Variants in RBMS3 observed in about 807,000 individuals in gnomAD.
RBMS3 encodes RNA-binding motif, single-stranded-interacting protein 3.
Under a neutral mutation model 66.8 loss-of-function variants are expected in RBMS3, and 27 were observed. The observed-to-expected ratio is 0.40, with a 90% CI of 0.30 to 0.56. The LOEUF (loss-of-function observed/expected upper bound fraction) is 0.56. RBMS3 is among the 20% of genes least tolerant of loss of function. The pLI is 0.40. For synonymous variants in RBMS3, 188 were observed against 183.0 expected (o/e 1.03, Z -0.22); for missense variants, 513 against 549.5 (o/e 0.93, Z 0.66).
chr3:29,938,396 A>G (rs1224896875), intron 11 of RBMS3, among the ~76,000 whole-genome samples: 4 of 151,908 alleles, frequency 2.6e-5, no homozygotes, highest in African/African-American at 9.7e-5. Context: ...TTTTCTTTTC[A>G]CCCTTTACAT....
intron 3 of RBMS3, among the ~76,000 whole-genome samples, chr3:29,549,081 T>TTC (rs2046088634): frequency 2.0e-5 from 3 of 149,748 alleles, no homozygotes; most frequent in Middle Eastern, 3.4e-3. Flanking sequence ...TTTTTTTTTT[T>TTC]TCCATCCCTC....
At chr3:29,908,924 T>G (rs974964022) in intron 10 of RBMS3, among the ~76,000 whole-genome samples, 2 of 151,874 alleles carry the variant, frequency 1.3e-5, no homozygotes, top group Non-Finnish European at 2.9e-5. Flanking sequence ...TTATATAACC[T>G]AAAAAATAAA....
At chr3:29,321,313 G>A (rs1290424075) in intron 1 of RBMS3, among the ~76,000 whole-genome samples, 3 of 151,876 alleles carry the variant, frequency 2.0e-5, no homozygotes, top group Non-Finnish European at 4.4e-5. Flanking sequence ...AATAAAATAC[G>A]ACACATTTTT....
At chr3:29,301,874 A>T (rs898029357) in intron 1 of RBMS3, among the ~76,000 whole-genome samples, 1 of 151,970 alleles carries the variant, frequency 6.6e-6, no homozygotes, top group Non-Finnish European at 1.5e-5. Context: ...AGAGATGCTG[A>T]TGTTGTGGGT....
chr3:29,653,853 A>T (rs2050227032), intron 4 of RBMS3, among the ~76,000 whole-genome samples: 1 of 152,148 alleles, frequency 6.6e-6, no homozygotes, highest in Admixed American at 6.6e-5. Context: ...TATGCTGAGG[A>T]AGATCTAATG....
chr3:29,292,066 C>T (rs147334664), intron 1 of RBMS3, among the ~76,000 whole-genome samples: 9 of 151,798 alleles, frequency 5.9e-5, no homozygotes, highest in South Asian at 2.1e-4. Flanking sequence ...TGCTGGAGGG[C>T]GAATTCTCTC....
At chr3:29,909,115 G>T (rs1282421385) in intron 10 of RBMS3, among the ~76,000 whole-genome samples, 2 of 152,062 alleles carry the variant, frequency 1.3e-5, no homozygotes, top group Non-Finnish European at 2.9e-5. Flanking sequence ...GGAGCAAATA[G>T]CCTGCCTTAA....
intron 1 of RBMS3, among the ~76,000 whole-genome samples, chr3:29,328,909 C>G (rs2035493260): frequency 6.6e-6 from 1 of 152,126 alleles, no homozygotes; most frequent in South Asian, 2.1e-4. Flanking sequence ...ATACTAGTCA[C>G]TGAGTAAATA....
intron 6 of RBMS3, among the ~76,000 whole-genome samples, chr3:29,863,040 A>T (rs1331583690): frequency 6.6e-6 from 1 of 152,132 alleles, no homozygotes; most frequent in African/African-American, 2.4e-5. Context: ...TAGTTCACCT[A>T]TTCTACTAAT....
chr3:29,645,616 T>A (rs1314939428), intron 4 of RBMS3, among the ~76,000 whole-genome samples: 1 of 152,236 alleles, frequency 6.6e-6, no homozygotes, highest in Non-Finnish European at 1.5e-5. Context: ...TCATTCTGAA[T>A]ACTGTTCATT....
chr3:30,005,711 T>G lies in RBMS3; in HGVS notation c.*1849T>G, dbSNP rs547769279. 1 of 151,968 alleles carries G rather than the reference T, an allele frequency of 6.6e-6. No homozygotes were observed. The highest frequency in any genetic ancestry group is 6.6e-5 in the Admixed American group (1 of 15,242). The allele number at this position is 151,968 out of a possible 1,614,324, so 9.4% of individuals were successfully genotyped here. On this transcript the variant is annotated 3_prime_UTR_variant, in exon 15 of 15. Coordinates refer to ENST00000383767, the MANE Select transcript of RBMS3 (RefSeq NM_001003793.3). Reference sequence around the variant, plus strand: ...TTTTTGCCTGTTTTCACTGTATTTTTGTATATTGGTGTTGCCGAAAGAACT... The same window carrying G: ...TTTTTGCCTGTTTTCACTGTATTTTGGTATATTGGTGTTGCCGAAAGAACT...
chr3:29,307,055 T>A (rs907392461), intron 1 of RBMS3, among the ~76,000 whole-genome samples: 1 of 151,938 alleles, frequency 6.6e-6, no homozygotes, highest in Non-Finnish European at 1.5e-5. Flanking sequence ...AAAATTATAT[T>A]CACTGCTTAA....
chr3:29,490,175 ATT>A (rs2043487333), intron 3 of RBMS3, among the ~76,000 whole-genome samples: 2 of 106,016 alleles, frequency 1.9e-5, no homozygotes, highest in African/African-American at 1.0e-4. Flanking sequence ...TTAATTTAAA[ATT>A]AAAATTTAAA....
At chr3:29,721,789 T>A (rs2053654157) in intron 4 of RBMS3, among the ~76,000 whole-genome samples, 1 of 152,326 alleles carries the variant, frequency 6.6e-6, no homozygotes, top group African/African-American at 2.4e-5. Context: ...GAGAAATATA[T>A]CTGTAATTAA....
rs2033773530 is a variant in RBMS3, at chr3:29,302,850, T to C, written c.75+21094T>C. Among the ~76,000 whole-genome samples, 11 of 152,154 alleles carry C rather than the reference T, an allele frequency of 7.2e-5. 1 individual carries two copies. Among genetic ancestry groups the C allele is most frequent in the Admixed American group, 7.2e-4 (11 of 15,278 alleles). On this transcript the variant is annotated intron_variant, in intron 1 of 14. Transcript: ENST00000383767. ...CTTGCCTGTCTATTTCTTTATCTCTTAATTACATTTTATCAGCAAACTTCC... is the reference window on the plus strand; with the variant it reads ...CTTGCCTGTCTATTTCTTTATCTCTCAATTACATTTTATCAGCAAACTTCC...
intron 3 of RBMS3, among the ~76,000 whole-genome samples, chr3:29,527,383 G>A (rs143662600): frequency 2.8e-4 from 43 of 152,146 alleles, no homozygotes; most frequent in African/African-American, 1.0e-3. Context: ...CTAGTGCATT[G>A]CACTAAGATG....
intron 1 of RBMS3, among the ~76,000 whole-genome samples, chr3:29,424,674 C>CA (rs2040874820): frequency 6.6e-6 from 1 of 151,992 alleles, no homozygotes; most frequent in Admixed American, 6.5e-5. Flanking sequence ...TTTGGTGTAT[C>CA]AAAAAAACCT....
chr3:29,580,632 A>G (rs1011283802), intron 3 of RBMS3, among the ~76,000 whole-genome samples: 1 of 151,038 alleles, frequency 6.6e-6, no homozygotes, highest in Non-Finnish European at 1.5e-5. Context: ...TCCTTACAGC[A>G]TCTGGCACTA....
chr3:29,737,850 G>T (rs1418513986), intron 4 of RBMS3, among the ~76,000 whole-genome samples: 3 of 138,140 alleles, frequency 2.2e-5, no homozygotes, highest in Non-Finnish European at 3.1e-5. Context: ...GTGTGTGTGT[G>T]TGTGTGTGTG....
Sources: allele counts gnomAD v4.1 joint callset (sites outside exome capture counted in the v4.1 genomes callset), GRCh38; gene constraint gnomAD v4.1.1; transcripts MANE v1.5; gene names NCBI Gene and HGNC (gene_info 2026-07-23, HGNC 2026-07-21).